Variants in HS2ST1 observed in about 807,000 individuals in gnomAD.
HS2ST1 encodes heparan sulfate 2-O-sulfotransferase 1.
In HS2ST1, 18 loss-of-function variants were observed where a neutral mutation model predicts 42.9. That is an observed-to-expected ratio of 0.42 (90% confidence interval 0.29 to 0.62). HS2ST1 has a LOEUF of 0.62. Among genes scored for constraint, HS2ST1 ranks in the 20% least tolerant of loss-of-function variants. The probability of loss-of-function intolerance (pLI) is 0.21; values close to 1 mark genes in which losing one functional copy is unlikely to be tolerated. For synonymous variants in HS2ST1, 146 were observed against 152.9 expected (o/e 0.95, Z 0.33); for missense variants, 334 against 433.8 (o/e 0.77, Z 2.04).
Position 86,952,571 on chromosome 1 carries a change from T to C in HS2ST1, c.124+37411T>C, listed in dbSNP as rs556228179. Among the ~76,000 whole-genome samples, 11 of 152,308 alleles carry C rather than the reference T, an allele frequency of 7.2e-5. No homozygotes were observed. In the South Asian group the frequency reaches 1.9e-3, roughly 26 times the overall value. ...AAACTTGAAAGTCAAAATTACTCTC[T>C]GATGCATGGGTTGCAGAATAAATGT... On this transcript the variant is annotated intron_variant, in intron 1 of 6. Transcript: ENST00000370550.
intron 4 of HS2ST1, among the ~76,000 whole-genome samples, chr1:87,095,300 CTTTA>C (rs550638972): frequency 3.3e-5 from 5 of 152,204 alleles, no homozygotes; most frequent in Non-Finnish European, 7.4e-5. Context: ...GTGTAGATAG[CTTTA>C]TTTCTATAAA....
At position 87,076,238 on chromosome 1, in the gene HS2ST1, T is replaced by C. The variant is rs146124932; in HGVS notation, c.363+3066T>C. On this transcript the variant is annotated intron_variant, in intron 2 of 6. Coordinates refer to ENST00000370550, the MANE Select transcript of HS2ST1 (RefSeq NM_012262.4). ...GAGGCTTCTCTAGACTAGAGAGACA[T>C]GGAAACCAAATGTAATGTATGGTCT... Among the ~76,000 whole-genome samples, 12 of 152,314 alleles carry C rather than the reference T, an allele frequency of 7.9e-5. No homozygotes were observed. In the East Asian group the frequency reaches 2.3e-3, roughly 29 times the overall value.
chr1:87,003,809 A>G (rs1649357525), intron 1 of HS2ST1, among the ~76,000 whole-genome samples: 1 of 152,196 alleles, frequency 6.6e-6, no homozygotes, highest in African/African-American at 2.4e-5. Flanking sequence ...TAGAGATGAT[A>G]TAAGTATACA....
intron 1 of HS2ST1, among the ~76,000 whole-genome samples, chr1:86,987,306 C>A (rs572744716): frequency 1.3e-4 from 20 of 152,124 alleles, no homozygotes; most frequent in Non-Finnish European, 2.6e-4. Context: ...GAACTCCCGA[C>A]TTCGTGATCC....
At chr1:86,948,291 G>C (rs757181641) in intron 1 of HS2ST1, among the ~76,000 whole-genome samples, 5 of 152,110 alleles carry the variant, frequency 3.3e-5, no homozygotes, top group Non-Finnish European at 5.9e-5. Flanking sequence ...ACGTTTATTT[G>C]TATAGAGACT....
chr1:86,946,831 C>T (rs761100482), intron 1 of HS2ST1, among the ~76,000 whole-genome samples: 4 of 152,140 alleles, frequency 2.6e-5, no homozygotes, highest in Non-Finnish European at 4.4e-5. Flanking sequence ...GACTCAGTTA[C>T]CATATATGTT....
intron 1 of HS2ST1, among the ~76,000 whole-genome samples, chr1:86,953,397 C>T (rs1035277791): frequency 6.6e-6 from 1 of 152,230 alleles, no homozygotes; most frequent in African/African-American, 2.4e-5. Flanking sequence ...TTTGCATTCT[C>T]AACTTGACTC....
chr1:86,968,250 G>C (rs1648118788), intron 1 of HS2ST1, among the ~76,000 whole-genome samples: 2 of 152,146 alleles, frequency 1.3e-5, no homozygotes, highest in South Asian at 4.1e-4. Flanking sequence ...TGTACATTCT[G>C]ATGATTATTT....
In HS2ST1 at chr1:86,981,731, T is replaced by C. The variant is rs1420565702; in HGVS notation, c.124+66571T>C. Among the ~76,000 whole-genome samples, 3 of 152,218 alleles carry C rather than the reference T, an allele frequency of 2.0e-5. No individual in the cohort carries two copies. The East Asian group carries it at 5.8e-4, about 29-fold the overall frequency. The stretch of plus-strand genomic sequence containing the variant: ...TTGTGGCTCTGCAGGGTATAGCCCT[T>C]GTGGCTGCTTTCCTGGGCTGGCATT... On this transcript the variant is annotated intron_variant, in intron 1 of 6. Transcript: ENST00000370550.
rs1050682241 is a variant in HS2ST1 at position 87,070,417 on chromosome 1, G to A, written c.125-2517G>A. On this transcript the variant is annotated intron_variant, in intron 1 of 6. Transcript: ENST00000370550. ...ACCAGCCTGGGCAACATGGTGAAAC[G>A]CCGTCTCTACAAAAAATACAAAAAT... Among the ~76,000 whole-genome samples, 5 of 151,870 alleles carry A rather than the reference G, an allele frequency of 3.3e-5. 1 individual carries two copies. The Middle Eastern group carries it at 0.01, about 310-fold the overall frequency.
chr1:86,990,971 G>C (rs775478068), intron 1 of HS2ST1, among the ~76,000 whole-genome samples: 2 of 148,266 alleles, frequency 1.3e-5, no homozygotes, highest in Non-Finnish European at 3.0e-5. Context: ...TGAGTGCCCA[G>C]CTGGACCCTG....
At chr1:86,983,560 G>T (rs1353740264) in intron 1 of HS2ST1, among the ~76,000 whole-genome samples, 2 of 151,968 alleles carry the variant, frequency 1.3e-5, no homozygotes, top group African/African-American at 4.8e-5. Context: ...ATGAGATTTG[G>T]GTGGGGACAC....
intron 2 of HS2ST1, among the ~76,000 whole-genome samples, chr1:87,081,102 C>T (rs1292818689): frequency 6.6e-6 from 1 of 152,158 alleles, no homozygotes; most frequent in Non-Finnish European, 1.5e-5. Context: ...GACCCCAATA[C>T]AATAATAGCT....
At chr1:87,077,150 T>G (rs1316625201) in intron 2 of HS2ST1, among the ~76,000 whole-genome samples, 1 of 152,130 alleles carries the variant, frequency 6.6e-6, no homozygotes, top group African/African-American at 2.4e-5. Flanking sequence ...GCAGTTTGAG[T>G]AACAAAGATA....
intron 1 of HS2ST1, among the ~76,000 whole-genome samples, chr1:86,939,818 A>G (rs1007912183): frequency 6.6e-6 from 1 of 152,252 alleles, no homozygotes; most frequent in African/African-American, 2.4e-5. Flanking sequence ...TAAAATGAGC[A>G]GTGTTAATAA....
chr1:87,096,963 G>A (rs903350091), intron 4 of HS2ST1, among the ~76,000 whole-genome samples: 1 of 152,126 alleles, frequency 6.6e-6, no homozygotes, highest in African/African-American at 2.4e-5. Flanking sequence ...CCACTTTTTA[G>A]AAAATGGCCT....
intron 1 of HS2ST1, among the ~76,000 whole-genome samples, chr1:86,981,029 A>G (rs1228039679): frequency 2.6e-5 from 4 of 152,186 alleles, no homozygotes; most frequent in Non-Finnish European, 5.9e-5. Flanking sequence ...GGGAGGCCTC[A>G]GGAAACTTAC....
At chr1:86,950,452 T>C (rs1647479085) in intron 1 of HS2ST1, among the ~76,000 whole-genome samples, 1 of 152,176 alleles carries the variant, frequency 6.6e-6, no homozygotes, top group Non-Finnish European at 1.5e-5. Flanking sequence ...CAGTGGATCC[T>C]GCATTGGGTC....
intron 1 of HS2ST1, among the ~76,000 whole-genome samples, chr1:86,994,718 T>C (rs1313786127): frequency 6.6e-6 from 1 of 152,150 alleles, no homozygotes; most frequent in African/African-American, 2.4e-5. Context: ...TTTAGGGTCT[T>C]ATTACAGAAT....
Sources: allele counts gnomAD v4.1 joint callset (sites outside exome capture counted in the v4.1 genomes callset), GRCh38; gene constraint gnomAD v4.1.1; transcripts MANE v1.5; gene names NCBI Gene and HGNC (gene_info 2026-07-23, HGNC 2026-07-21).